STAG1: variants seen among roughly 807,000 people sequenced by gnomAD.
STAG1 encodes cohesin subunit SA-1.
Under a neutral mutation model 170.9 loss-of-function variants are expected in STAG1, and 26 were observed. The ratio of observed to expected loss-of-function variants is 0.15; its 90% CI spans 0.11 to 0.21. STAG1 has a LOEUF of 0.21. Among genes scored for constraint, STAG1 ranks in the 10% least tolerant of loss-of-function variants. The pLI is 1.00. For missense variants in STAG1, 964 were observed against 1,509.5 expected, an observed-to-expected ratio of 0.64 and a Z score of 5.99; for synonymous variants, 514 against 497.7, an observed-to-expected ratio of 1.03 and a Z score of -0.44.
intron 23 of STAG1, among the ~76,000 whole-genome samples, chr3:136,376,620 T>C (rs944088189): frequency 2.0e-5 from 3 of 152,094 alleles, no homozygotes; most frequent in African/African-American, 7.2e-5. Context: ...GGGTGGTGAA[T>C]GGGCAGCTGT....
intron 1 of STAG1, among the ~76,000 whole-genome samples, chr3:136,673,964 G>A (rs139722659): frequency 0.02 from 2,983 of 151,566 alleles, 98 homozygotes; most frequent in African/African-American, 0.068. Flanking sequence ...TTGGCCAGGC[G>A]TGGTGGTGCA....
chr3:136,546,310 GT>G (rs1460947571), intron 5 of STAG1, among the ~76,000 whole-genome samples: 2 of 152,132 alleles, frequency 1.3e-5, no homozygotes, highest in Non-Finnish European at 2.9e-5. Context: ...GATAGGCAGG[GT>G]TTCTTGACCT....
chr3:136,470,205 A>G (rs562583595), intron 12 of STAG1, among the ~76,000 whole-genome samples: 6 of 152,248 alleles, frequency 3.9e-5, no homozygotes, highest in Non-Finnish European at 7.3e-5. Context: ...GGCAACCTAC[A>G]GAATGGGAGA....
intron 1 of STAG1, among the ~76,000 whole-genome samples, chr3:136,714,544 T>G (rs1419175274): frequency 6.6e-6 from 1 of 151,232 alleles, no homozygotes; most frequent in Non-Finnish European, 1.5e-5. Flanking sequence ...CTGCCTAACA[T>G]GATGAAACCC....
chr3:136,453,596 A>AC (rs1468555470), intron 13 of STAG1, among the ~76,000 whole-genome samples: 1 of 151,830 alleles, frequency 6.6e-6, no homozygotes, highest in African/African-American at 2.4e-5. Flanking sequence ...GTCTCAAAAA[A>AC]AAAAAAAAAA....
At chr3:136,417,790 G>A (rs781131039) in intron 21 of STAG1, 95 bp downstream of exon 21, 44 of 883,974 alleles carry the variant, frequency 5.0e-5, no homozygotes, top group African/African-American at 3.9e-4. Flanking sequence ...CTAATGAATC[G>A]TCAATTACTT....
intron 3 of STAG1, among the ~76,000 whole-genome samples, chr3:136,605,452 C>A (rs1938886601): frequency 2.6e-5 from 4 of 152,206 alleles, no homozygotes; most frequent in Admixed American, 2.0e-4. Flanking sequence ...GTTGCTACTT[C>A]ACCAAACTCA....
intron 15 of STAG1, among the ~76,000 whole-genome samples, chr3:136,439,197 A>G (rs2088553429): frequency 1.6e-5 from 1 of 60,964 alleles, no homozygotes; most frequent in African/African-American, 7.1e-5. Context: ...CCAGACTCAA[A>G]AAAAAAAAAA....
intron 1 of STAG1, among the ~76,000 whole-genome samples, chr3:136,656,269 G>C (rs1941367017): frequency 6.6e-6 from 1 of 152,050 alleles, no homozygotes; most frequent in Non-Finnish European, 1.5e-5. Flanking sequence ...CCTGAAGCTG[G>C]GGTTGGGGGC....
chr3:136,525,327 G>T (rs542476024), intron 6 of STAG1, among the ~76,000 whole-genome samples: 3 of 151,980 alleles, frequency 2.0e-5, no homozygotes, highest in African/African-American at 7.3e-5. Flanking sequence ...GTCTTGGGAG[G>T]GTGTATGTGT....
chr3:136,698,032 A>G (rs1942950255), intron 1 of STAG1, among the ~76,000 whole-genome samples: 1 of 152,104 alleles, frequency 6.6e-6, no homozygotes, highest in African/African-American at 2.4e-5. Context: ...AAAAAAAAAG[A>G]AAGAAAGAAA....
At chr3:136,615,983 C>T (rs1435789624) in intron 3 of STAG1, among the ~76,000 whole-genome samples, 1 of 151,714 alleles carries the variant, frequency 6.6e-6, no homozygotes, top group African/African-American at 2.4e-5. Flanking sequence ...TAAAAGTCAT[C>T]AGACGCTGGG....
At chr3:136,405,846 G>A (rs1203908425) in intron 21 of STAG1, among the ~76,000 whole-genome samples, 1 of 128,394 alleles carries the variant, frequency 7.8e-6, no homozygotes, top group Non-Finnish European at 1.6e-5. Context: ...AGCATGATGA[G>A]ATACCACTAT....
chr3:136,529,312 A>G (rs1308856572), intron 6 of STAG1, among the ~76,000 whole-genome samples: 2 of 152,214 alleles, frequency 1.3e-5, no homozygotes, highest in African/African-American at 2.4e-5. Flanking sequence ...CTAAGATCCA[A>G]AAAGGTCTTC....
intron 1 of STAG1, among the ~76,000 whole-genome samples, chr3:136,633,983 A>G (rs994588360): frequency 1.4e-5 from 2 of 142,490 alleles, no homozygotes; most frequent in Admixed American, 1.4e-4. Flanking sequence ...AAAAAAAAAA[A>G]AAAAAAAATT....
chr3:136,543,030 T>C (rs1268478599), intron 5 of STAG1, among the ~76,000 whole-genome samples: 1 of 152,116 alleles, frequency 6.6e-6, no homozygotes, highest in Non-Finnish European at 1.5e-5. Context: ...AAGCTATCTA[T>C]GGAAAGATCT....
Position 136,493,793 on chromosome 3 carries a change from GAGAA to G in STAG1, c.902+6426_902+6429del, listed in dbSNP as rs567765792. ...AACAAAACAAACTTACAGTGAAACTGAGAAAGACAAAAGAGAAGACACAAATCAC... is the reference window on the plus strand; with the variant it reads ...AACAAAACAAACTTACAGTGAAACTGAGACAAAAGAGAAGACACAAATCAC... On this transcript the variant is annotated intron_variant, in intron 9 of 33. Transcript: ENST00000383202. Among the ~76,000 whole-genome samples, 397 of 152,096 alleles carry G rather than the reference GAGAA, an allele frequency of 2.6e-3. 2 individuals carry two copies. The highest frequency in any genetic ancestry group is 9.3e-3 in the African/African-American group (385 of 41,514).
chr3:136,432,015 C>A (rs977571423), intron 16 of STAG1, among the ~76,000 whole-genome samples: 2 of 152,102 alleles, frequency 1.3e-5, no homozygotes, highest in African/African-American at 4.8e-5. Context: ...ATTCCTCTCT[C>A]CTTTCCTTCT....
intron 1 of STAG1, among the ~76,000 whole-genome samples, chr3:136,677,274 G>A (rs758111778): frequency 6.6e-6 from 1 of 151,932 alleles, no homozygotes; most frequent in Non-Finnish European, 1.5e-5. Context: ...CACCACAAAC[G>A]TTGACTATTT....
Sources: allele counts gnomAD v4.1 joint callset (sites outside exome capture counted in the v4.1 genomes callset), GRCh38; gene constraint gnomAD v4.1.1; transcripts MANE v1.5; gene names NCBI Gene and HGNC (gene_info 2026-07-23, HGNC 2026-07-21).